Variants in SNX25 observed in about 807,000 individuals in gnomAD.
The protein encoded by SNX25 is sorting nexin 25.
Under a neutral mutation model 113.7 loss-of-function variants are expected in SNX25, and 62 were observed. The observed-to-expected ratio is 0.55, with a 90% CI of 0.44 to 0.67. The LOEUF is 0.67. SNX25 is among the 30% of genes least tolerant of loss of function. The pLI is 0.00. For missense variants in SNX25, 1,014 were observed against 1,161.0 expected (o/e 0.87, Z 1.84); for synonymous variants, 421 against 436.2 (o/e 0.97, Z 0.43).
At chr4:185,213,067 T>C (rs186108840) in intron 1 of SNX25, among the ~76,000 whole-genome samples, 1 of 152,352 alleles carries the variant, frequency 6.6e-6, no homozygotes, top group Non-Finnish European at 1.5e-5. Flanking sequence ...TTTTTATGTC[T>C]AGAGGTTTTC....
intron 13 of SNX25, among the ~76,000 whole-genome samples, chr4:185,348,349 A>G (rs1314156050): frequency 2.0e-5 from 3 of 152,142 alleles, no homozygotes; most frequent in Admixed American, 6.6e-5. Flanking sequence ...GCACTTGTAC[A>G]TATTTATGAG....
At chr4:185,255,102 T>C (rs1746214359) in intron 2 of SNX25, among the ~76,000 whole-genome samples, 1 of 152,144 alleles carries the variant, frequency 6.6e-6, no homozygotes, top group African/African-American at 2.4e-5. Flanking sequence ...TATGGTTATA[T>C]AATGTATATT....
At chr4:185,233,822 A>G (rs1742205026) in intron 1 of SNX25, among the ~76,000 whole-genome samples, 1 of 151,944 alleles carries the variant, frequency 6.6e-6, no homozygotes, top group Non-Finnish European at 1.5e-5. Context: ...CCATGAATCT[A>G]ATTCTTCCAA....
chr4:185,341,273 T>A (rs1454818460), intron 11 of SNX25, among the ~76,000 whole-genome samples: 1 of 152,216 alleles, frequency 6.6e-6, no homozygotes, highest in African/African-American at 2.4e-5. Context: ...GGAAATTATA[T>A]CTCCCAATGT....
intron 8 of SNX25, among the ~76,000 whole-genome samples, chr4:185,321,353 C>T (rs184209683): frequency 6.6e-6 from 1 of 151,494 alleles, no homozygotes; most frequent in Admixed American, 6.6e-5. Context: ...ACCTCAGCCT[C>T]CCAGGTTCAA....
chr4:185,239,376 G>C (rs553925957), intron 1 of SNX25, among the ~76,000 whole-genome samples: 5 of 152,028 alleles, frequency 3.3e-5, no homozygotes, highest in South Asian at 2.1e-4. Flanking sequence ...CCAGCTACTC[G>C]GGAGGCTGAG....
At chr4:185,342,679 C>G (rs2095266073) in intron 12 of SNX25, among the ~76,000 whole-genome samples, 1 of 148,714 alleles carries the variant, frequency 6.7e-6, no homozygotes, top group Non-Finnish European at 1.5e-5. Context: ...ACAAGGGAGG[C>G]ATTAAGGCGC....
At chr4:185,371,905 G>A (rs1225134675), downstream of SNX25, among the ~76,000 whole-genome samples, 1 of 152,084 alleles carries the variant, frequency 6.6e-6, no homozygotes, top group Non-Finnish European at 1.5e-5. Context: ...CTGGCGCTGT[G>A]GGAAGGGTGT....
At chr4:185,215,184 G>A (rs12651016) in intron 1 of SNX25, among the ~76,000 whole-genome samples, 45 of 151,642 alleles carry the variant, frequency 3.0e-4, no homozygotes, top group African/African-American at 9.6e-4. Flanking sequence ...AGCCGAGATC[G>A]TGCCACTGCA....
At position 185,210,350 on chromosome 4, in the gene SNX25, C is replaced by G; in HGVS notation, c.429+95C>G. 1.0e-6 allele frequency: 1 copy of G among 984,612 alleles called. No individual in the cohort carries two copies. The highest frequency in any genetic ancestry group is 1.2e-6 in the Non-Finnish European group (1 of 829,656). 61.0% of individuals were successfully genotyped at this position (984,612 alleles called of 1,614,324 possible). On this transcript the variant is annotated intron_variant, in intron 1 of 18. Transcript: ENST00000652585. The surrounding 1 kb of genome is among the most constrained non-coding windows in gnomAD (Gnocchi z 4.4). Reference sequence around the variant, plus strand: ...CGAGCTCCGGGGGGCCGCGGCATGCCCTTGTCGAAGCGGGAAGCCGGGAGC... The same window carrying G: ...CGAGCTCCGGGGGGCCGCGGCATGCGCTTGTCGAAGCGGGAAGCCGGGAGC...
downstream of SNX25, among the ~76,000 whole-genome samples, chr4:185,367,547 G>A (rs2095393605): frequency 1.3e-5 from 2 of 152,126 alleles, no homozygotes; most frequent in African/African-American, 4.8e-5. Context: ...GTAAAATGGA[G>A]AGCATTAACA....
chr4:185,240,092 T>C lies in SNX25; in HGVS notation c.430-7202T>C, dbSNP rs377448483. Among the ~76,000 whole-genome samples, 1,427 of 151,628 alleles carry C rather than the reference T, an allele frequency of 9.4e-3. 14 individuals are homozygous for C. Among genetic ancestry groups the C allele is most frequent in the South Asian group, 0.046 (216 of 4,658 alleles). On this transcript the variant is annotated intron_variant, in intron 1 of 18. Transcript: ENST00000652585. The stretch of plus-strand genomic sequence containing the variant: ...GAGCACAGGGTTGGGGGTAAGGTCA[T>C]AGATCAACAGGATCCCAAGGCAGAA...
rs56655112 is a variant in SNX25, at chr4:185,315,292, A to AT, written c.1344+4495dup. On this transcript the variant is annotated intron_variant, in intron 7 of 18. Coordinates refer to ENST00000652585, the MANE Select transcript of SNX25 (RefSeq NM_001378034.2). ...CCAGACTCAGATCATTTCACTGGTG[A>AT]TTTTTTTTTTTTTTTTTTTGAGGTG... Among the ~76,000 whole-genome samples, 509 of 119,348 alleles carry AT rather than the reference A, an allele frequency of 4.3e-3. 2 individuals carry two copies. Among genetic ancestry groups the AT allele is most frequent in the Non-Finnish European group, 6.7e-3 (400 of 59,636 alleles). The allele number at this position is 119,348 out of a possible 152,430, so 78.3% of individuals were successfully genotyped here.
intron 6 of SNX25, among the ~76,000 whole-genome samples, chr4:185,294,925 G>A (rs1752648733): frequency 1.3e-5 from 2 of 151,840 alleles, no homozygotes; most frequent in Non-Finnish European, 2.9e-5. Flanking sequence ...ACAGGAAGTC[G>A]CTCTTGTATT....
At chr4:185,300,840 GAC>G (rs58762122) in intron 6 of SNX25, among the ~76,000 whole-genome samples, 20,192 of 140,542 alleles carry the variant, frequency 0.14, 1,486 homozygotes, top group African/African-American at 0.21. Context: ...TGATTATTAT[GAC>G]ACACACACAC....
intron 1 of SNX25, among the ~76,000 whole-genome samples, chr4:185,241,271 CTGG>C (rs1223735306): frequency 6.6e-6 from 1 of 152,144 alleles, no homozygotes; most frequent in African/African-American, 2.4e-5. Context: ...CGGTTAGGAG[CTGG>C]AGACCAGCCC....
chr4:185,363,486 A>C lies in SNX25; in HGVS notation c.*21A>C. The C allele has an allele frequency of 6.2e-7, 1 of 1,608,974 alleles. No homozygotes were observed. The highest frequency in any genetic ancestry group is 8.5e-7 in the Non-Finnish European group (1 of 1,175,362). On this transcript the variant is annotated 3_prime_UTR_variant, in exon 19 of 19. Transcript: ENST00000652585. The surrounding 1 kb of genome is among the most constrained non-coding windows in gnomAD (Gnocchi z 4.2). Reference sequence around the variant, plus strand: ...TTTGAGACTACACAAATAAACCACCAGAAAAATGTCTGTGTAATAATAGAC... The same window carrying C: ...TTTGAGACTACACAAATAAACCACCCGAAAAATGTCTGTGTAATAATAGAC...
chr4:185,272,402 T>C (rs1749067836), intron 5 of SNX25, among the ~76,000 whole-genome samples: 1 of 152,194 alleles, frequency 6.6e-6, no homozygotes, highest in Non-Finnish European at 1.5e-5. Flanking sequence ...GGTTTGCCCT[T>C]TCAGAACCTC....
At chr4:185,262,007 C>T (rs915236808) in intron 3 of SNX25, among the ~76,000 whole-genome samples, 1 of 152,142 alleles carries the variant, frequency 6.6e-6, no homozygotes, top group African/African-American at 2.4e-5. Flanking sequence ...GGTTTAATGG[C>T]AAATATCTGT....
Sources: allele counts gnomAD v4.1 joint callset (sites outside exome capture counted in the v4.1 genomes callset), GRCh38; gene constraint gnomAD v4.1.1; non-coding constraint Gnocchi (gnomAD v3.1); transcripts MANE v1.5; gene names NCBI Gene and HGNC (gene_info 2026-07-23, HGNC 2026-07-21).